The following WNK3 variants were observed in gnomAD, a reference collection of about 807,000 sequenced individuals.
WNK3 encodes serine/threonine-protein kinase WNK3.
In WNK3, 18 loss-of-function variants were observed where a neutral mutation model predicts 116.7. The observed-to-expected ratio is 0.15, with a 90% confidence interval of 0.11 to 0.23. The LOEUF is 0.23. WNK3 is among the 10% of genes least tolerant of loss of function. The pLI, the probability that WNK3 is intolerant of heterozygous loss-of-function variation, is 1.00. For missense variants in WNK3, 993 were observed against 1,323.8 expected, an observed-to-expected ratio of 0.75 and a Z score of 3.88; for synonymous variants, 404 against 469.4, an observed-to-expected ratio of 0.86 and a Z score of 1.80.
chrX:54,249,685 C>G, intron 16 of WNK3, 51 bp from the exon 17 acceptor site: 1 of 1,066,927 alleles, frequency 9.4e-7, no homozygotes, highest in Non-Finnish European at 1.3e-6. Context: ...GTACAAAGCA[C>G]AGACTAGTAC....
At chrX:54,332,404 C>G (rs1196621109) in intron 2 of WNK3, among the ~76,000 whole-genome samples, 2 of 111,415 alleles carry the variant, frequency 1.8e-5, no homozygotes, top group African/African-American at 6.5e-5. Context: ...ACATGAACCC[C>G]CAAGATTTTA....
intron 2 of WNK3, among the ~76,000 whole-genome samples, chrX:54,311,556 A>C (rs1429188264): frequency 1.3e-4 from 15 of 112,038 alleles, no homozygotes; most frequent in Non-Finnish European, 2.6e-4. Context: ...ATCTTGAAAA[A>C]CAGTATCTCA....
rs782269586 is a variant in WNK3, at chrX:54,285,805, T to C, written c.2037+7083A>G. On this transcript the variant is annotated intron_variant, in intron 10 of 23. Transcript: ENST00000354646. ...GTCGAAACTCATGAATTATGATTTA[T>C]GCATTTTACTGTATATACATTTAAA... Among the ~76,000 whole-genome samples, 7 of 112,361 alleles carry C rather than the reference T, an allele frequency of 6.2e-5. No individual in the cohort carries two copies. In the East Asian group the frequency reaches 1.4e-3, roughly 22 times the overall value.
At chrX:54,312,131 A>C (rs1173252983) in intron 2 of WNK3, among the ~76,000 whole-genome samples, 1 of 110,264 alleles carries the variant, frequency 9.1e-6, no homozygotes, top group African/African-American at 3.3e-5. Context: ...AGCATGGCTA[A>C]CATAGTGAGA....
chrX:54,275,409 G>A (rs2068432233), intron 10 of WNK3, among the ~76,000 whole-genome samples: 2 of 88,304 alleles, frequency 2.3e-5, no homozygotes, highest in African/African-American at 8.3e-5. Context: ...TAGGGTATAA[G>A]TTCATATGTG....
chrX:54,321,165 G>A (rs1013901179), intron 2 of WNK3, among the ~76,000 whole-genome samples: 6 of 111,842 alleles, frequency 5.4e-5, no homozygotes, highest in South Asian at 7.4e-4. Flanking sequence ...CCACAGTGCT[G>A]GGATTACAGG....
chrX:54,280,908 T>C (rs1569537694), intron 10 of WNK3, among the ~76,000 whole-genome samples: 1 of 110,258 alleles, frequency 9.1e-6, no homozygotes, highest in African/African-American at 3.3e-5. Context: ...GTGACAATCC[T>C]GCACACATAC....
At chrX:54,277,137 T>TC (rs1461837721) in intron 10 of WNK3, among the ~76,000 whole-genome samples, 1 of 110,509 alleles carries the variant, frequency 9.0e-6, no homozygotes, top group Non-Finnish European at 1.9e-5. Context: ...GAAAGACTTG[T>TC]CCCCCCTAAG....
At chrX:54,296,192 T>C (rs1211018950) in intron 7 of WNK3, among the ~76,000 whole-genome samples, 1 of 111,616 alleles carries the variant, frequency 9.0e-6, no homozygotes, top group Non-Finnish European at 1.9e-5. Flanking sequence ...GGCTGAACAG[T>C]AGAGAAGATC....
At chrX:54,343,231 G>A (rs1557176765) in intron 1 of WNK3, among the ~76,000 whole-genome samples, 2 of 110,865 alleles carry the variant, frequency 1.8e-5, no homozygotes, top group Admixed American at 9.7e-5. Context: ...AGGCTCAGCC[G>A]GGCGCGGTGG....
rs1250179532 is a variant in WNK3, at chrX:54,276,665, C to CCATATAAT, written c.2037+16215_2037+16222dup. On this transcript the variant is annotated intron_variant, in intron 10 of 23. Transcript: ENST00000354646. The stretch of plus-strand genomic sequence containing the variant: ...TATCAACAAGTAAAAAAAAACAAAA[C>CCATATAAT]CATATAATCATATCATTAACACAGA... Among the ~76,000 whole-genome samples the CCATATAAT allele has an allele frequency of 3.0e-4, 33 of 110,417 alleles. No homozygotes were observed. In the East Asian group the frequency reaches 6.2e-3, roughly 21 times the overall value.
intron 22 of WNK3, among the ~76,000 whole-genome samples, chrX:54,227,064 GACAC>G (rs2067852285): frequency 8.9e-6 from 1 of 111,775 alleles, no homozygotes; most frequent in Admixed American, 9.5e-5. Flanking sequence ...TGCTTCAAAA[GACAC>G]TATCAAGAAA....
chrX:54,287,932 A>G (rs2068598014), intron 10 of WNK3, among the ~76,000 whole-genome samples: 1 of 112,398 alleles, frequency 8.9e-6, no homozygotes, highest in Non-Finnish European at 1.9e-5. Context: ...TGTAACACAG[A>G]AATGCTCTGA....
chrX:54,324,281 C>T (rs892982321), intron 2 of WNK3, among the ~76,000 whole-genome samples: 2 of 112,138 alleles, frequency 1.8e-5, no homozygotes, highest in Non-Finnish European at 3.8e-5. Flanking sequence ...AAGTTAATCG[C>T]ATCTGCAAAG....
intron 15 of WNK3, among the ~76,000 whole-genome samples, chrX:54,250,786 T>C: frequency 9.0e-6 from 1 of 111,050 alleles, no homozygotes; most frequent in African/African-American, 3.3e-5. Context: ...CTGTAATTTC[T>C]TCAGGGGTGC....
At chrX:54,264,595 T>G (rs782717653) in intron 10 of WNK3, among the ~76,000 whole-genome samples, 1 of 111,089 alleles carries the variant, frequency 9.0e-6, no homozygotes, top group Admixed American at 9.7e-5. Context: ...CTACAAAGAC[T>G]GACACATAAA....
At chrX:54,213,965 G>C (rs1360949983) in intron 22 of WNK3, among the ~76,000 whole-genome samples, 2 of 110,634 alleles carry the variant, frequency 1.8e-5, no homozygotes, top group African/African-American at 6.6e-5. Flanking sequence ...TGAAGAGTTT[G>C]ATTTATTTTT....
rs1393014821 is a variant in WNK3 at position 54,222,937 on chromosome X, TATAA to T, written c.4870+5773_4870+5776del. On this transcript the variant is annotated intron_variant, in intron 22 of 23. Coordinates refer to ENST00000354646, the Ensembl canonical transcript of WNK3. ...AATAATATATATATATATATATATA[TATAA>T]AAAAAGACACAATAGAATTTAAATG... 3.6e-3 allele frequency among the ~76,000 whole-genome samples: 337 copies of T among 94,796 alleles called. 3 individuals are homozygous for T. Among genetic ancestry groups the T allele is most frequent in the African/African-American group, 0.013 (322 of 24,534 alleles). 82.3% of individuals were successfully genotyped at this position (94,796 alleles called of 115,157 possible).
chrX:54,357,105 C>A (rs2069603559), intron 1 of WNK3, among the ~76,000 whole-genome samples: 1 of 110,790 alleles, frequency 9.0e-6, no homozygotes, highest in Non-Finnish European at 1.9e-5. Context: ...CCCATCCTGT[C>A]CCTCACACAT....
Sources: allele counts gnomAD v4.1 joint callset (sites outside exome capture counted in the v4.1 genomes callset), GRCh38; gene constraint gnomAD v4.1.1; transcripts MANE v1.5; gene names NCBI Gene and HGNC (gene_info 2026-07-23, HGNC 2026-07-21).